Variants in DNAH12 observed in about 807,000 individuals in gnomAD.
DNAH12 encodes dynein axonemal heavy chain 12.
Under a neutral mutation model 371.5 loss-of-function variants are expected in DNAH12, and 285 were observed. That is an observed-to-expected ratio of 0.77 (90% CI 0.70 to 0.85). The LOEUF (loss-of-function observed/expected upper bound fraction) is 0.85. Ranked by LOEUF, DNAH12 falls within the 40% of genes least tolerant of loss-of-function variation. DNAH12 has a pLI of 0.00. For missense variants in DNAH12, 3,611 were observed against 3,689.4 expected (o/e 0.98, Z 0.55); for synonymous variants, 1,200 against 1,213.0 (o/e 0.99, Z 0.22).
At position 57,507,626 on chromosome 3, in the gene DNAH12, A is replaced by C. The variant is rs1339468084; in HGVS notation, c.897+17T>G. 1 of 1,545,452 alleles carries C rather than the reference A, an allele frequency of 6.5e-7. No individual in the cohort carries two copies. Among genetic ancestry groups the C allele is most frequent in the East Asian group, 2.3e-5 (1 of 42,698 alleles). On this transcript the variant is annotated intron_variant, in intron 8 of 73. Coordinates refer to ENST00000495027, the MANE Select transcript of DNAH12 (RefSeq NM_001366028.2). ...TTTTAATAACATTATCATTTAATAT[A>C]TATAAAGTGTATGTACCTGATTTGA...
chr3:57,323,752 G>T, intron 62 of DNAH12, 133 bp from the exon 63 acceptor site: 2 of 906,158 alleles, frequency 2.2e-6, no homozygotes, highest in Non-Finnish European at 3.1e-6. Flanking sequence ...CATAGACAAA[G>T]CACTAATTTC....
chr3:57,392,126 T>C (rs899341370), intron 44 of DNAH12, 60 bp from the exon 45 acceptor site: 34 of 151,366 alleles, frequency 2.2e-4, no homozygotes, highest in African/African-American at 6.8e-4. Context: ...GGTAATGAGA[T>C]TGGTGGATAT....
chr3:57,483,782 C>CA (rs369010253), intron 12 of DNAH12, among the ~76,000 whole-genome samples: 21,453 of 136,392 alleles, frequency 0.16, 1,553 homozygotes, highest in South Asian at 0.24. Context: ...CCTGTCTCTA[C>CA]AAAAAAAAAA....
chr3:57,453,756 G>C (rs1162897463), intron 23 of DNAH12, among the ~76,000 whole-genome samples: 1 of 152,014 alleles, frequency 6.6e-6, no homozygotes, highest in Non-Finnish European at 1.5e-5. Context: ...TGTGTTTTTA[G>C]TAGAGATGAG....
intron 36 of DNAH12, among the ~76,000 whole-genome samples, chr3:57,421,301 G>T (rs984371479): frequency 1.3e-5 from 2 of 151,934 alleles, no homozygotes; most frequent in Non-Finnish European, 2.9e-5. Context: ...TAATAAAATG[G>T]AAAAATAAAT....
intron 5 of DNAH12, among the ~76,000 whole-genome samples, chr3:57,509,626 C>T (rs1032112379): frequency 4.0e-5 from 6 of 151,612 alleles, no homozygotes; most frequent in Non-Finnish European, 8.8e-5. Flanking sequence ...CTTTGAGAAG[C>T]CAAGGAGGGC....
intron 25 of DNAH12, among the ~76,000 whole-genome samples, chr3:57,447,052 G>A (rs890490284): frequency 6.6e-6 from 1 of 152,080 alleles, no homozygotes; most frequent in African/African-American, 2.4e-5. Context: ...ACTGCAAAGG[G>A]GGTAAAACAC....
intron 62 of DNAH12, among the ~76,000 whole-genome samples, chr3:57,326,467 G>T (rs555334511): frequency 2.6e-4 from 39 of 152,146 alleles, no homozygotes; most frequent in African/African-American, 8.4e-4. Context: ...CTAAGCTTCA[G>T]AAGTGAAGGA....
At position 57,452,941 on chromosome 3, in the gene DNAH12, G is replaced by A. The variant is rs191653485; in HGVS notation, c.3688C>T (p.Arg1230Cys). Reference sequence around the variant, plus strand: ...TATTTTACATTGCAATTAATGATACGAACTCGGGCATTCTCATTTTCCCAA... The same window carrying A: ...TATTTTACATTGCAATTAATGATACAAACTCGGGCATTCTCATTTTCCCAA... ...YYWENENARVRIINCNVKYAY... is the reference protein window; with the variant it reads ...YYWENENARVCIINCNVKYAY... Residue 1230 changes from arginine (R) to cysteine (C), a missense_variant, in exon 25 of 74, where the codon CGT becomes TGT. Arg to Cys is a radical substitution (Grantham distance 180). Around this residue, in one of 3 missense-constraint regions of DNAH12, gnomAD observed 31 missense variants for 53.8 expected, o/e 0.58. Transcript: ENST00000495027. 32 of 1,551,218 alleles carry A rather than the reference G, an allele frequency of 2.1e-5. 1 individual carries two copies. Among genetic ancestry groups the A allele is most frequent in the Admixed American group, 1.6e-4 (8 of 50,954 alleles).
At position 57,309,163 on chromosome 3, in the gene DNAH12, T is replaced by A. The variant is rs1211839448; in HGVS notation, c.11177A>T (p.Glu3726Val). 1 of 1,543,366 alleles carries A rather than the reference T, an allele frequency of 6.5e-7. No homozygotes were observed. The highest frequency in any genetic ancestry group is 8.7e-7 in the Non-Finnish European group (1 of 1,144,146). ...SMNTVLVQEM[E>V]RFNNLIITIR... ...TATAGATCCTTACTTGTTAAATCTT[T>A]CCATTTCTTGTACTAACACAGTATT... is the stretch of plus-strand genomic sequence containing the variant. The change falls in exon 69 of 74, where the codon GAA becomes GTA. Residue 3726 changes from glutamate (E) to valine (V), a missense_variant. Physicochemically the swap from Glu to Val is moderately radical, Grantham distance 121. Transcript: ENST00000495027.
chr3:57,481,595 A>G (rs1337482916), intron 13 of DNAH12, among the ~76,000 whole-genome samples: 1 of 152,206 alleles, frequency 6.6e-6, no homozygotes, highest in East Asian at 1.9e-4. Context: ...GGAACCAAAA[A>G]AGAGCCTGCA....
intron 8 of DNAH12, among the ~76,000 whole-genome samples, chr3:57,506,217 G>A (rs1367093929): frequency 6.6e-6 from 1 of 152,072 alleles, no homozygotes; most frequent in Admixed American, 6.6e-5. Flanking sequence ...TGTAATGGGG[G>A]GACATGCACA....
chr3:57,481,638 G>C (rs1047581331), intron 13 of DNAH12, among the ~76,000 whole-genome samples: 1 of 152,126 alleles, frequency 6.6e-6, no homozygotes, highest in Non-Finnish European at 1.5e-5. Context: ...AAAGAACAAA[G>C]CTGGAGGCAT....
chr3:57,425,279 ACT>A (rs75662476), intron 34 of DNAH12, 138 bp from the exon 35 acceptor site: 114,890 of 579,584 alleles, frequency 0.2, 12,717 homozygotes, highest in African/African-American at 0.27. Context: ...ATGGGATCTC[ACT>A]CTGTCATCCA....
intron 44 of DNAH12, among the ~76,000 whole-genome samples, chr3:57,392,565 G>C (rs1435823344): frequency 6.6e-6 from 1 of 152,056 alleles, no homozygotes; most frequent in Non-Finnish European, 1.5e-5. Flanking sequence ...CTGGGCAACA[G>C]AGCAGTGAGA....
At chr3:57,304,049 C>A (rs980013617) in intron 69 of DNAH12, among the ~76,000 whole-genome samples, 1 of 150,510 alleles carries the variant, frequency 6.6e-6, no homozygotes, top group Non-Finnish European at 1.5e-5. Context: ...CCACTGAGCA[C>A]CTTGTGACCC....
chr3:57,405,753 T>A lies in DNAH12; in HGVS notation c.6476A>T (p.Asp2159Val). 6.4e-7 allele frequency: 1 copy of A among 1,551,650 alleles called. No individual in the cohort carries two copies. Among genetic ancestry groups the A allele is most frequent in the Non-Finnish European group, 8.7e-7 (1 of 1,146,976 alleles). ...VFYDRLINDDDRRWLFQLTKT... is the reference protein window; with the variant it reads ...VFYDRLINDDVRRWLFQLTKT... ...AGTTAACTGGAACAGCCATCTTCGA[T>A]CATCATCATTAATGAGGCGATCATA... Residue 2159 changes from aspartate (D) to valine (V), a missense_variant, in exon 41 of 74, where the codon GAT (aspartate) becomes GTT (valine). Physicochemically the swap from Asp to Val is radical, Grantham distance 152. This residue lies in a region of DNAH12 where 2,266 missense variants were observed against 2,236.9 expected (regional missense o/e 1.01). Transcript: ENST00000495027.
chr3:57,515,579 C>T (rs1319884240), intron 4 of DNAH12, among the ~76,000 whole-genome samples: 7 of 152,040 alleles, frequency 4.6e-5, no homozygotes, highest in African/African-American at 1.7e-4. Context: ...CACTGCTCTC[C>T]AGCCTGGGCG....
intron 11 of DNAH12, among the ~76,000 whole-genome samples, chr3:57,496,984 C>A (rs984040673): frequency 7.9e-5 from 12 of 151,738 alleles, no homozygotes; most frequent in African/African-American, 2.7e-4. Flanking sequence ...AAAAAAAATG[C>A]TATTTATAAG....
Sources: gnomAD v4.1 joint callset for allele counts (sites outside exome capture counted in the v4.1 genomes callset) on GRCh38, gnomAD v4.1.1 for gene constraint, gnomAD v4.1.1 regional missense constraint, MANE v1.5 for transcripts, NCBI Gene and HGNC (gene_info 2026-07-23, HGNC 2026-07-21) for gene names.